The following RNF13 variants were observed in gnomAD, a reference collection of about 807,000 sequenced individuals.
RNF13 encodes the protein E3 ubiquitin-protein ligase RNF13.
Under a neutral mutation model 37.7 loss-of-function variants are expected in RNF13, and 19 were observed. The ratio of observed to expected loss-of-function variants is 0.50; its 90% CI spans 0.35 to 0.74. RNF13 has a LOEUF of 0.74. Among genes scored for constraint, RNF13 ranks in the 30% least tolerant of loss-of-function variants. The pLI is 0.01. For synonymous variants in RNF13, 144 were observed against 157.8 expected, an observed-to-expected ratio of 0.91 and a Z score of 0.65; for missense variants, 375 against 453.0, an observed-to-expected ratio of 0.83 and a Z score of 1.56.
intron 1 of RNF13, chr3:149,845,650 G>A (rs1722574696): frequency 6.4e-6 from 1 of 157,100 alleles, no homozygotes. Context: ...CAATTTTAAA[G>A]CAAAGATGCT....
At chr3:149,844,725 AC>A (rs1235266658) in intron 1 of RNF13, among the ~76,000 whole-genome samples, 1 of 152,204 alleles carries the variant, frequency 6.6e-6, no homozygotes, top group African/African-American at 2.4e-5. Flanking sequence ...AATGTATTTT[AC>A]TTAAGAAACG....
At chr3:149,891,032 A>G (rs1714642298) in intron 4 of RNF13, among the ~76,000 whole-genome samples, 1 of 152,160 alleles carries the variant, frequency 6.6e-6, no homozygotes, top group Non-Finnish European at 1.5e-5. Context: ...TTCTCAGTTC[A>G]ATTCCTCTTT....
chr3:149,824,494 C>T (rs1254194013), intron 1 of RNF13, among the ~76,000 whole-genome samples: 1 of 152,186 alleles, frequency 6.6e-6, no homozygotes, highest in East Asian at 1.9e-4. Context: ...GAAGAGGCTA[C>T]AAGCCAAGGA....
chr3:149,951,173 G>C (rs1473704545), intron 8 of RNF13, among the ~76,000 whole-genome samples: 1 of 152,140 alleles, frequency 6.6e-6, no homozygotes, highest in Non-Finnish European at 1.5e-5. Context: ...ATTTATCACA[G>C]TTCAGGCTTG....
At chr3:149,924,685 GATTT>G (rs761050615) in intron 8 of RNF13, among the ~76,000 whole-genome samples, 1 of 152,136 alleles carries the variant, frequency 6.6e-6, no homozygotes, top group Non-Finnish European at 1.5e-5. Flanking sequence ...GATTGTAGTT[GATTT>G]AAGAGAGAAT....
intron 8 of RNF13, among the ~76,000 whole-genome samples, chr3:149,935,354 C>T (rs1379214102): frequency 2.0e-5 from 3 of 152,072 alleles, no homozygotes; most frequent in South Asian, 4.1e-4. Flanking sequence ...TTAATTAGAA[C>T]ATTTAGTTCA....
chr3:149,934,634 C>T (rs1719496519), intron 8 of RNF13, among the ~76,000 whole-genome samples: 1 of 149,402 alleles, frequency 6.7e-6, no homozygotes, highest in South Asian at 2.1e-4. Flanking sequence ...TTAATTTTCA[C>T]ATATTTATAG....
intron 3 of RNF13, among the ~76,000 whole-genome samples, chr3:149,866,503 T>C (rs1250288913): frequency 3.9e-5 from 6 of 152,272 alleles, no homozygotes; most frequent in Admixed American, 3.3e-4. Context: ...TGTAACCTAT[T>C]TTATCAGCAA....
intron 4 of RNF13, among the ~76,000 whole-genome samples, chr3:149,889,967 G>A (rs906390671): frequency 1.3e-5 from 2 of 152,116 alleles, no homozygotes; most frequent in Admixed American, 6.5e-5. Flanking sequence ...GAGCTATCGC[G>A]CCCGGCCTGA....
At chr3:149,915,210 T>C (rs1476932474) in intron 7 of RNF13, among the ~76,000 whole-genome samples, 1 of 152,226 alleles carries the variant, frequency 6.6e-6, no homozygotes. Flanking sequence ...ATTCTGGGGA[T>C]AAATCCTGTT....
chr3:149,952,774 T>C (rs1721472168), intron 8 of RNF13, among the ~76,000 whole-genome samples: 1 of 152,198 alleles, frequency 6.6e-6, no homozygotes, highest in African/African-American at 2.4e-5. Flanking sequence ...TAATTTTGTA[T>C]TTTTAGTAGA....
intron 1 of RNF13, among the ~76,000 whole-genome samples, chr3:149,840,203 C>A (rs889006229): frequency 1.3e-5 from 2 of 152,190 alleles, no homozygotes; most frequent in Admixed American, 6.5e-5. Flanking sequence ...GTTAAAATGT[C>A]TGTTAATAAC....
intron 2 of RNF13, among the ~76,000 whole-genome samples, chr3:149,852,271 G>A (rs556996824): frequency 2.0e-5 from 3 of 152,170 alleles, no homozygotes; most frequent in Non-Finnish European, 4.4e-5. Context: ...ACAGTAGGCT[G>A]AATTAGTGTT....
rs1430645320 is a variant in RNF13 at position 149,852,604 on chromosome 3, A to C, written c.195+8A>C. ...CCAGCTGAAGGTTTAAAGGTAAGAC[A>C]GTTGGTAATACATTGTAAAGACACA... On this transcript the variant is annotated splice_region_variant and intron_variant, in intron 3 of 9. Transcript: ENST00000392894. 7.1e-7 allele frequency: 1 copy of C among 1,408,354 alleles called. No homozygotes were observed. Among genetic ancestry groups the C allele is most frequent in the Non-Finnish European group, 9.8e-7 (1 of 1,017,318 alleles). 87.2% of individuals were successfully genotyped at this position (1,408,354 alleles called of 1,614,324 possible). A position where few individuals can be genotyped will look rare whatever the true frequency, so the allele number is the denominator to read the frequency against.
chr3:149,884,161 T>C (rs1273494425), intron 4 of RNF13, among the ~76,000 whole-genome samples: 1 of 152,142 alleles, frequency 6.6e-6, no homozygotes, highest in Non-Finnish European at 1.5e-5. Flanking sequence ...CTAGTAACTT[T>C]TGATTAGATG....
At chr3:149,851,804 C>T (rs992076860) in intron 2 of RNF13, 4 of 152,136 alleles carry the variant, frequency 2.6e-5, no homozygotes, top group Admixed American at 6.5e-5. Context: ...GCAAATTGAA[C>T]ATTATTAAAT....
chr3:149,878,401 T>C (rs1241909769), intron 4 of RNF13, among the ~76,000 whole-genome samples: 1 of 152,186 alleles, frequency 6.6e-6, no homozygotes, highest in East Asian at 1.9e-4. Flanking sequence ...CCTGATACTC[T>C]CTTCTGAGGA....
chr3:149,878,803 C>T (rs1162063892), intron 4 of RNF13, among the ~76,000 whole-genome samples: 2 of 152,016 alleles, frequency 1.3e-5, no homozygotes, highest in Admixed American at 6.5e-5. Flanking sequence ...TACTTTTTCT[C>T]CTCTATTAGA....
intron 1 of RNF13, among the ~76,000 whole-genome samples, 151 bp downstream of exon 1, chr3:149,813,504 CT>C (rs1719115630): frequency 2.0e-5 from 3 of 152,182 alleles, no homozygotes; most frequent in African/African-American, 4.8e-5. Flanking sequence ...GTCAATTAGG[CT>C]TTTTGCAAAA....
Sources: gnomAD v4.1 joint callset for allele counts (sites outside exome capture counted in the v4.1 genomes callset) on GRCh38, gnomAD v4.1.1 for gene constraint, MANE v1.5 for transcripts, NCBI Gene and HGNC (gene_info 2026-07-23, HGNC 2026-07-21) for gene names.